DSC3: variants seen among roughly 807,000 people sequenced by gnomAD.
DSC3 encodes the protein desmocollin-3.
Under a neutral mutation model 89.5 loss-of-function variants are expected in DSC3, and 97 were observed. That is an observed-to-expected ratio of 1.08 (90% CI 0.92 to 1.28). DSC3 has a LOEUF of 1.28. DSC3 is among the 50% of genes most tolerant of loss of function. The probability of loss-of-function intolerance (pLI) is 0.00; values close to 1 mark genes in which losing one functional copy is unlikely to be tolerated. For synonymous variants in DSC3, 436 were observed against 384.1 expected (o/e 1.14, Z -1.58); for missense variants, 1,199 against 1,085.3 (o/e 1.10, Z -1.47).
At chr18:31,041,587 C>A (rs1164400259) in intron 1 of DSC3, among the ~76,000 whole-genome samples, 1 of 152,174 alleles carries the variant, frequency 6.6e-6, no homozygotes, top group Non-Finnish European at 1.5e-5. Context: ...GGACCCCATG[C>A]GCATCCATGG....
Position 30,997,024 on chromosome 18 carries a change from G to A in DSC3, c.2260C>T (p.Gln754Ter). The A allele has an allele frequency of 1.2e-6, 2 of 1,614,098 alleles. No homozygotes were observed. The highest frequency in any genetic ancestry group is 1.1e-5 in the South Asian group (1 of 91,074). The change falls in exon 15 of 16, where the codon CAA becomes TAA. Residue 754 changes from glutamine (Q) to a stop codon, truncating the protein, a stop_gained. Coordinates refer to ENST00000360428, the MANE Select transcript of DSC3 (RefSeq NM_001941.5). LOFTEE classifies it high-confidence loss of function. ...CCTTGGCTAGAGTTGTTGGTAGTTT[G>A]GGTCATAAATCCATTGGCAGAGCAC... ...RVCSANGFMTQTTNNSSQGFC... is the reference protein window; with the variant it reads ...RVCSANGFMT
rs756825408 is a variant in DSC3, at chr18:30,996,958, G to T, written c.2326C>A (p.Gln776Lys). ...TMGSGMKNGG[Q>K]ETIEMMKGGN... ...CCTTTCATCATTTCAATGGTTTCCTGCCCTCCATTTTTCATTCCTGATCCC... is the reference window on the plus strand; with the variant it reads ...CCTTTCATCATTTCAATGGTTTCCTTCCCTCCATTTTTCATTCCTGATCCC... Residue 776 changes from glutamine to lysine, a missense_variant, in exon 15 of 16, where the codon CAG (glutamine) becomes AAG (lysine). Coordinates refer to ENST00000360428, the MANE Select transcript of DSC3 (RefSeq NM_001941.5). 2.1e-5 allele frequency: 34 copies of T among 1,613,950 alleles called. No homozygotes were observed. In the Middle Eastern group the frequency reaches 1.5e-3, roughly 70 times the overall value.
chr18:30,994,484 C>G (rs141311997), intron 15 of DSC3, 112 bp from the exon 16 acceptor site: 1 of 1,592,632 alleles, frequency 6.3e-7, no homozygotes, highest in Non-Finnish European at 8.6e-7. Flanking sequence ...CCAGTGTGTC[C>G]TCTAATGGAT....
In DSC3 at chr18:30,990,611, T is replaced by G. The variant is rs1234185122; in HGVS notation, c.*3564A>C. 1 of 152,212 alleles carries G rather than the reference T, an allele frequency of 6.6e-6. No homozygotes were observed. Among genetic ancestry groups the G allele is most frequent in the Non-Finnish European group, 1.5e-5 (1 of 68,038 alleles). The allele number at this position is 152,212 out of a possible 1,614,324, so 9.4% of individuals were successfully genotyped here. On this transcript the variant is annotated 3_prime_UTR_variant, in exon 16 of 16. Transcript: ENST00000360428. ...TTCACTGTGAAGCACAGAGCACCTT[T>G]ATGGTTGGATCATCTTGTCATTAAA...
At position 30,992,134 on chromosome 18, in the gene DSC3, C is replaced by G. The variant is rs1984276164; in HGVS notation, c.*2041G>C. On this transcript the variant is annotated 3_prime_UTR_variant, in exon 16 of 16. Coordinates refer to ENST00000360428, the MANE Select transcript of DSC3 (RefSeq NM_001941.5). ...GAGCAGAGATCGGAGCCACTGCACT[C>G]CAGCCTGTGCGTCAGAGCGAGACTC... The G allele has an allele frequency of 7.3e-6, 1 of 137,700 alleles. No individual in the cohort carries two copies. Among genetic ancestry groups the G allele is most frequent in the Admixed American group, 8.1e-5 (1 of 12,370 alleles). The allele number at this position is 137,700 out of a possible 1,614,324, so 8.5% of individuals were successfully genotyped here.
chr18:31,038,285 AT>A (rs1459764909), intron 1 of DSC3, among the ~76,000 whole-genome samples: 1 of 152,200 alleles, frequency 6.6e-6, no homozygotes, highest in African/African-American at 2.4e-5. Flanking sequence ...GTTCCATATA[AT>A]TCTGAAAGAA....
intron 5 of DSC3, 74 bp from the exon 6 acceptor site, chr18:31,024,567 C>A (rs1217169942): frequency 2.0e-6 from 3 of 1,498,910 alleles, no homozygotes; most frequent in South Asian, 2.5e-5. Flanking sequence ...TTATCTACTA[C>A]CTGCCTTGCA....
intron 13 of DSC3, among the ~76,000 whole-genome samples, chr18:31,002,664 C>T (rs1567950274): frequency 2.7e-5 from 4 of 148,440 alleles, no homozygotes; most frequent in Non-Finnish European, 4.4e-5. Context: ...CTTGCCATTG[C>T]CCTCCAGCCT....
At chr18:31,034,739 TA>T (rs146255176) in intron 1 of DSC3, among the ~76,000 whole-genome samples, 2,006 of 152,256 alleles carry the variant, frequency 0.013, 55 homozygotes, top group African/African-American at 0.046. Flanking sequence ...AAACAACACA[TA>T]CTGTACGATT....
intron 1 of DSC3, among the ~76,000 whole-genome samples, chr18:31,041,409 A>T (rs947373463): frequency 6.6e-6 from 1 of 152,218 alleles, no homozygotes; most frequent in Non-Finnish European, 1.5e-5. Context: ...CTCCATAAAC[A>T]TATCGTAGAT....
chr18:30,999,975 G>A (rs1387654168), intron 14 of DSC3, among the ~76,000 whole-genome samples: 1 of 152,056 alleles, frequency 6.6e-6, no homozygotes, highest in Non-Finnish European at 1.5e-5. Context: ...TTAAGTAAAA[G>A]TCATCCATGC....
chr18:30,995,767 TTGGAGACCAACC>T, intron 15 of DSC3, among the ~76,000 whole-genome samples: 1 of 151,790 alleles, frequency 6.6e-6, no homozygotes, highest in South Asian at 2.1e-4. Context: ...AGCCTGGGAA[TTGGAGACCAACC>T]TGGGCAACAT....
At chr18:31,013,869 C>T (rs1985150020) in intron 9 of DSC3, among the ~76,000 whole-genome samples, 1 of 152,070 alleles carries the variant, frequency 6.6e-6, no homozygotes, top group African/African-American at 2.4e-5. Flanking sequence ...TAGCCATGTC[C>T]TTGACTAAGC....
intron 8 of DSC3, 94 bp from the exon 9 acceptor site, chr18:31,018,350 A>T: frequency 1.1e-6 from 1 of 910,686 alleles, no homozygotes; most frequent in South Asian, 1.7e-5. Context: ...TTACCATTAT[A>T]ATTTTATATA....
intron 14 of DSC3, among the ~76,000 whole-genome samples, chr18:31,001,089 G>GTGTGTATGTATATATATATA (rs141615987): frequency 7.9e-6 from 1 of 126,032 alleles, no homozygotes; most frequent in African/African-American, 2.9e-5. Flanking sequence ...TTGTGTGTGT[G>GTGTGTATGTATATATATATA]TATATATATA....
chr18:31,024,161 A>G (rs1417613062), intron 6 of DSC3, among the ~76,000 whole-genome samples, 188 bp downstream of exon 6: 1 of 152,084 alleles, frequency 6.6e-6, no homozygotes, highest in Non-Finnish European at 1.5e-5. Flanking sequence ...AATGACAGAA[A>G]CTTCTGTACT....
chr18:31,040,694 C>T (rs1986102315), intron 1 of DSC3, among the ~76,000 whole-genome samples: 2 of 152,024 alleles, frequency 1.3e-5, no homozygotes, highest in African/African-American at 4.8e-5. Context: ...AAAGCTGTCT[C>T]CTTAGAACAA....
intron 7 of DSC3, among the ~76,000 whole-genome samples, chr18:31,019,121 G>C (rs1478530755): frequency 6.6e-6 from 1 of 151,944 alleles, no homozygotes; most frequent in Admixed American, 6.5e-5. Flanking sequence ...TCTTGAGACG[G>C]AGTCTCATAC....
intron 13 of DSC3, 39 bp downstream of exon 13, chr18:31,004,103 T>TA: frequency 6.7e-7 from 1 of 1,482,674 alleles, no homozygotes; most frequent in Non-Finnish European, 9.4e-7. Context: ...CTAGATTTTT[T>TA]ATTATATATT....
Sources: allele counts gnomAD v4.1 joint callset (sites outside exome capture counted in the v4.1 genomes callset), GRCh38; gene constraint gnomAD v4.1.1; transcripts MANE v1.5; gene names NCBI Gene and HGNC (gene_info 2026-07-23, HGNC 2026-07-21).